The following COLQ variants were observed in gnomAD, a reference collection of about 807,000 sequenced individuals.
COLQ encodes collagen like tail subunit of asymmetric acetylcholinesterase, also known as acetylcholinesterase collagenic tail peptide.
In COLQ, 48 loss-of-function variants were observed where a neutral mutation model predicts 69.0. That is an observed-to-expected ratio of 0.70 (90% CI 0.55 to 0.88). The LOEUF is 0.88. Among genes scored for constraint, COLQ ranks in the 40% least tolerant of loss-of-function variants. The probability of loss-of-function intolerance (pLI) is 0.00; values close to 1 mark genes in which losing one functional copy is unlikely to be tolerated. For synonymous variants in COLQ, 217 were observed against 211.2 expected, an observed-to-expected ratio of 1.03 and a Z score of -0.24; for missense variants, 618 against 594.6, an observed-to-expected ratio of 1.04 and a Z score of -0.41.
rs1025361623 is a variant in COLQ, at chr3:15,453,898, C to G, written c.1229G>C (p.Arg410Pro). 1.2e-6 allele frequency: 2 copies of G among 1,611,272 alleles called. No homozygotes were observed. The highest frequency in any genetic ancestry group is 1.7e-6 in the Non-Finnish European group (2 of 1,178,708). ...CHRAYCGDGH[R>P]HEGVEDCDGS... ...GTCACAGTCCTCCACACCCTCATGC[C>G]GGTGACCATCTCCACAGTAGGCACG... Residue 410 changes from arginine (R) to proline (P), a missense_variant, in exon 16 of 17, where the codon CGG (arginine) becomes CCG (proline). Arg to Pro is a moderately radical substitution (Grantham distance 103). Transcript: ENST00000383788.
chr3:15,494,338 G>A (rs2125148480), intron 1 of COLQ, among the ~76,000 whole-genome samples: 1 of 152,290 alleles, frequency 6.6e-6, no homozygotes, highest in African/African-American at 2.4e-5. Flanking sequence ...AGGGACTGAT[G>A]CAGAGAAACG....
rs185942192 is a variant in COLQ at position 15,476,235 on chromosome 3, A to T, written c.466-748T>A. Among the ~76,000 whole-genome samples, 57 of 152,358 alleles carry T rather than the reference A, an allele frequency of 3.7e-4. 1 individual carries two copies. Among genetic ancestry groups the T allele is most frequent in the Non-Finnish European group, 1.8e-4 (12 of 68,042 alleles). On this transcript the variant is annotated intron_variant, in intron 6 of 16. Coordinates refer to ENST00000383788, the MANE Select transcript of COLQ (RefSeq NM_005677.4). ...ATTTAATCTGTACTTAGAGATCATA[A>T]AATTTATAGTTGAAAAAGCAGATTC...
chr3:15,504,624 C>T (rs139732284), intron 1 of COLQ, among the ~76,000 whole-genome samples: 18 of 152,230 alleles, frequency 1.2e-4, no homozygotes, highest in Admixed American at 5.9e-4. Flanking sequence ...TTTGGGAGGC[C>T]GAGGCAGGTA....
chr3:15,474,364 CCT>C, intron 8 of COLQ, 92 bp from the exon 9 acceptor site: 2 of 1,313,520 alleles, frequency 1.5e-6, no homozygotes, highest in Non-Finnish European at 2.2e-6. Flanking sequence ...AAACCAAAAC[CCT>C]CATTTTACAA....
intron 1 of COLQ, among the ~76,000 whole-genome samples, chr3:15,494,693 C>T (rs2062719995): frequency 6.6e-6 from 1 of 152,086 alleles, no homozygotes; most frequent in African/African-American, 2.4e-5. Flanking sequence ...ATTGAGTGGC[C>T]CTGCTGTTTT....
At chr3:15,498,582 C>T (rs1429247551) in intron 1 of COLQ, 12 of 1,551,928 alleles carry the variant, frequency 7.7e-6, no homozygotes, top group Admixed American at 3.9e-5. Context: ...ATGATGAGCC[C>T]GTCATTGTGA....
chr3:15,516,132 T>G (rs1031362428), intron 1 of COLQ, among the ~76,000 whole-genome samples: 1 of 152,220 alleles, frequency 6.6e-6, no homozygotes, highest in African/African-American at 2.4e-5. Flanking sequence ...AGAGAGTTCT[T>G]TAATTTAAGA....
intron 1 of COLQ, among the ~76,000 whole-genome samples, chr3:15,520,257 G>A (rs1170196840): frequency 6.6e-6 from 1 of 152,204 alleles, no homozygotes; most frequent in Non-Finnish European, 1.5e-5. Flanking sequence ...CACACCCACG[G>A]TGACACCACC....
intron 3 of COLQ, among the ~76,000 whole-genome samples, chr3:15,482,641 T>C (rs1403428308): frequency 6.6e-6 from 1 of 152,262 alleles, no homozygotes; most frequent in African/African-American, 2.4e-5. Context: ...TTTGCATCAA[T>C]GTTCATCAGG....
intron 3 of COLQ, among the ~76,000 whole-genome samples, chr3:15,486,142 T>C (rs1397166342): frequency 6.6e-6 from 1 of 152,182 alleles, no homozygotes; most frequent in Non-Finnish European, 1.5e-5. Flanking sequence ...TCCAATCTCT[T>C]GATTCTTCCA....
intron 1 of COLQ, among the ~76,000 whole-genome samples, chr3:15,504,583 G>C (rs1210535848): frequency 6.6e-6 from 1 of 152,232 alleles, no homozygotes; most frequent in Non-Finnish European, 1.5e-5. Flanking sequence ...TTCTGGCTGG[G>C]CATGGTGGCT....
At chr3:15,470,427 G>T (rs992916807) in intron 11 of COLQ, 109 bp downstream of exon 11, 26 of 983,842 alleles carry the variant, frequency 2.6e-5, no homozygotes, top group Non-Finnish European at 4.3e-5. Context: ...GGATGCTGGA[G>T]TCAAGGTCTA....
chr3:15,495,450 T>C (rs1421152317), intron 1 of COLQ, among the ~76,000 whole-genome samples: 2 of 152,242 alleles, frequency 1.3e-5, no homozygotes, highest in African/African-American at 4.8e-5. Context: ...AGACCAAAGC[T>C]GTGATTGGTT....
In COLQ at chr3:15,517,057, G is replaced by A. The variant is rs563251970; in HGVS notation, c.106+4463C>T. Among the ~76,000 whole-genome samples the A allele has an allele frequency of 1.4e-4, 21 of 152,210 alleles. No individual in the cohort carries two copies. The East Asian group carries it at 2.9e-3, about 21-fold the overall frequency. ...CTCAAGAGGCAGAGGTATGACAATC[G>A]CTTGAACCTGGAAGGCGGAGGGTTG... On this transcript the variant is annotated intron_variant, in intron 1 of 16. Transcript: ENST00000383788.
chr3:15,453,361 C>A (rs2061976283), intron 16 of COLQ, among the ~76,000 whole-genome samples: 1 of 152,228 alleles, frequency 6.6e-6, no homozygotes, highest in African/African-American at 2.4e-5. Flanking sequence ...CTGATTTGAT[C>A]TCACTTGCAG....
chr3:15,514,525 C>T lies in COLQ; in HGVS notation c.106+6995G>A, dbSNP rs188582305. ...ATACCCCAGAGATTCTGATCTAATT[C>T]GTCTGCTCAGCTTGGACTCTGGACT... On this transcript the variant is annotated intron_variant, in intron 1 of 16. Coordinates refer to ENST00000383788, the MANE Select transcript of COLQ (RefSeq NM_005677.4). 1.9e-4 allele frequency among the ~76,000 whole-genome samples: 29 copies of T among 152,330 alleles called. No homozygotes were observed. The East Asian group carries it at 4.6e-3, about 24-fold the overall frequency.
In COLQ at chr3:15,467,799, G is replaced by A. The variant is rs892018029; in HGVS notation, c.718-1362C>T. On this transcript the variant is annotated intron_variant, in intron 11 of 16. Transcript: ENST00000383788. Reference sequence around the variant, plus strand: ...AAATGTAATCTTCCTCAAATCTGGGGAGCAGGCAGGCTTGGGACTCCTTTC... The same window carrying A: ...AAATGTAATCTTCCTCAAATCTGGGAAGCAGGCAGGCTTGGGACTCCTTTC... 4 of 452,250 alleles carry A rather than the reference G, an allele frequency of 8.8e-6. No homozygotes were observed. In the Admixed American group the frequency reaches 9.5e-5, roughly 11 times the overall value. The allele number at this position is 452,250 out of a possible 1,614,324, so 28.0% of individuals were successfully genotyped here.
intron 12 of COLQ, among the ~76,000 whole-genome samples, chr3:15,458,951 C>A (rs1559513064): frequency 6.6e-6 from 1 of 151,692 alleles, no homozygotes; most frequent in Non-Finnish European, 1.5e-5. Context: ...TCAAGTGAGT[C>A]TCCTGCCTCA....
chr3:15,515,936 G>T (rs955471159), intron 1 of COLQ, among the ~76,000 whole-genome samples: 6 of 152,230 alleles, frequency 3.9e-5, no homozygotes, highest in African/African-American at 1.4e-4. Context: ...TGTGGCAGTG[G>T]TGGCTGTGGA....
Sources: allele counts gnomAD v4.1 joint callset (sites outside exome capture counted in the v4.1 genomes callset), GRCh38; gene constraint gnomAD v4.1.1; transcripts MANE v1.5; gene names NCBI Gene and HGNC (gene_info 2026-07-23, HGNC 2026-07-21).